Variants in SMARCA2 observed in about 807,000 individuals in gnomAD.
SMARCA2 encodes the protein SWI/SNF related BAF chromatin remodeling complex subunit ATPase 2.
Under a neutral mutation model 199.8 loss-of-function variants are expected in SMARCA2, and 61 were observed. That is an observed-to-expected ratio of 0.31 (90% confidence interval 0.25 to 0.38). The LOEUF (loss-of-function observed/expected upper bound fraction) is 0.38, where lower values mean the gene tolerates loss of function less well. Ranked by LOEUF, SMARCA2 falls within the 10% of genes least tolerant of loss-of-function variation. The pLI, the probability that SMARCA2 is intolerant of heterozygous loss-of-function variation, is 1.00. For synonymous variants in SMARCA2, 935 were observed against 732.0 expected (o/e 1.28, Z -4.48); for missense variants, 1,344 against 2,012.2 (o/e 0.67, Z 6.35).
chr9:2,148,516 G>C (rs1824880279), intron 27 of SMARCA2, among the ~76,000 whole-genome samples: 1 of 151,072 alleles, frequency 6.6e-6, no homozygotes. Context: ...TATACTTTAA[G>C]TTTTAGGGTA....
intron 27 of SMARCA2, among the ~76,000 whole-genome samples, chr9:2,141,918 C>T (rs1263177847): frequency 6.6e-6 from 1 of 152,140 alleles, no homozygotes; most frequent in African/African-American, 2.4e-5. Flanking sequence ...AACAGGTGGT[C>T]TAGCTGGCCC....
In SMARCA2 at chr9:2,040,160, G is replaced by A. The variant is rs574148219; in HGVS notation, c.790+260G>A. On this transcript the variant is annotated intron_variant, in intron 4 of 33. Coordinates refer to ENST00000349721, the MANE Select transcript of SMARCA2 (RefSeq NM_003070.5). ...AGGGAAAAAGCACCTGTGATTTTGC[G>A]TTCTCTTTGAAGCGGTTCAAGGTTT... The A allele has an allele frequency of 5.0e-5, 36 of 717,744 alleles. No homozygotes were observed. The South Asian group carries it at 5.4e-4, about 11-fold the overall frequency. The allele number at this position is 717,744 out of a possible 1,614,324, so 44.5% of individuals were successfully genotyped here.
rs1455551540 is a variant in SMARCA2, at chr9:2,181,564, C to G, written c.4254-7C>G. The stretch of plus-strand genomic sequence containing the variant: ...GCTTGTTTTTGTTTGTTTCACCCAT[C>G]CTACAGTTCAGGGCGACAGCTCAGT... On this transcript the variant is annotated splice_polypyrimidine_tract_variant and splice_region_variant and intron_variant, in intron 29 of 33. Coordinates refer to ENST00000349721, the MANE Select transcript of SMARCA2 (RefSeq NM_003070.5). 6.8e-7 allele frequency: 1 copy of G among 1,462,338 alleles called. No individual in the cohort carries two copies. The highest frequency in any genetic ancestry group is 1.7e-5 in the Admixed American group (1 of 59,690). 90.6% of individuals were successfully genotyped at this position (1,462,338 alleles called of 1,614,324 possible). A position where few individuals can be genotyped will look rare whatever the true frequency, so the allele number is the denominator to read the frequency against.
chr9:2,070,355 A>G (rs1465021947), intron 9 of SMARCA2, 63 bp from the exon 10 acceptor site: 2 of 1,344,004 alleles, frequency 1.5e-6, no homozygotes, highest in East Asian at 2.3e-5. Context: ...CCGGAGAGTT[A>G]CCAGGAAGTC....
At chr9:2,192,253 G>A (rs1827937296) in intron 33 of SMARCA2, 1 of 163,006 alleles carries the variant, frequency 6.1e-6, no homozygotes, top group Non-Finnish European at 1.3e-5. Context: ...CCTTTTCCTA[G>A]TTTGATTTTC....
intron 3 of SMARCA2, among the ~76,000 whole-genome samples, chr9:2,035,685 C>T (rs116749428): frequency 3.9e-5 from 6 of 152,026 alleles, no homozygotes; most frequent in South Asian, 2.1e-4. Flanking sequence ...AAAGAGTCAA[C>T]AGTTTAAAAT....
chr9:2,060,044 G>A (rs1820515204), intron 8 of SMARCA2, among the ~76,000 whole-genome samples: 1 of 139,018 alleles, frequency 7.2e-6, no homozygotes, highest in Non-Finnish European at 1.5e-5. Context: ...TTATTGCTCA[G>A]CAGTACCAGA....
In SMARCA2 at chr9:2,029,254, G is replaced by C. The variant is rs1429489205; in HGVS notation, c.225+7G>C. 1.2e-6 allele frequency: 2 copies of C among 1,606,450 alleles called. No individual in the cohort carries two copies. Among genetic ancestry groups the C allele is most frequent in the Non-Finnish European group, 1.7e-6 (2 of 1,175,700 alleles). ...CATGCATCAAATGCATAAGGTAAGA[G>C]TTTGTTCTCCCATTCAAACTCAACT... On this transcript the variant is annotated splice_region_variant and intron_variant, in intron 2 of 33. Transcript: ENST00000349721.
At chr9:2,175,457 C>A (rs755809504) in intron 29 of SMARCA2, among the ~76,000 whole-genome samples, 3 of 152,130 alleles carry the variant, frequency 2.0e-5, no homozygotes, top group Admixed American at 1.3e-4. Context: ...CAACATACAA[C>A]ATATTAAAAC....
chr9:2,051,161 C>A (rs1295230978), intron 5 of SMARCA2, among the ~76,000 whole-genome samples: 2 of 152,196 alleles, frequency 1.3e-5, no homozygotes, highest in Admixed American at 6.5e-5. Context: ...AAGATATAAT[C>A]TTCTGTGTTA....
chr9:2,184,744 C>G (rs960142279), intron 31 of SMARCA2, among the ~76,000 whole-genome samples: 4 of 152,020 alleles, frequency 2.6e-5, no homozygotes, highest in African/African-American at 9.7e-5. Context: ...ATTTGTTTTC[C>G]TTTCTAAAAA....
chr9:2,191,135 G>T, intron 32 of SMARCA2, 131 bp from the exon 33 acceptor site: 2 of 846,098 alleles, frequency 2.4e-6, no homozygotes, highest in Non-Finnish European at 3.9e-6. Flanking sequence ...CACAGAACAG[G>T]CATAAACCGG....
intron 14 of SMARCA2, among the ~76,000 whole-genome samples, chr9:2,078,038 C>G (rs904786767): frequency 6.6e-6 from 1 of 152,128 alleles, no homozygotes; most frequent in Non-Finnish European, 1.5e-5. Context: ...AATGGAAAAC[C>G]CAGCCACATT....
chr9:2,093,431 G>A (rs1020483612), intron 19 of SMARCA2, among the ~76,000 whole-genome samples: 3 of 152,168 alleles, frequency 2.0e-5, no homozygotes, highest in African/African-American at 7.2e-5. Flanking sequence ...TGTGCTGGGA[G>A]TACACTGTGT....
chr9:2,030,753 C>T (rs1410646485), intron 2 of SMARCA2, among the ~76,000 whole-genome samples: 2 of 152,056 alleles, frequency 1.3e-5, no homozygotes, highest in African/African-American at 2.4e-5. Context: ...TGAACCATTA[C>T]AGTAGACAAG....
At position 2,191,267 on chromosome 9, in the gene SMARCA2, A is replaced by T; in HGVS notation, c.4596A>T (p.Ala1532=). Residue 1532 remains alanine, a splice_region_variant and synonymous_variant, in exon 33 of 34, where the codon GCA becomes GCT. Transcript: ENST00000349721. ...CTATTTCATTTGCTTTGGTTTTAGCAAAATCAGTCAAGGTGAAAATTAAGC... is the reference window on the plus strand; with the variant it reads ...CTATTTCATTTGCTTTGGTTTTAGCTAAATCAGTCAAGGTGAAAATTAAGC... ...EEDEEESESE[A]KSVKVKIKLN... The T allele has an allele frequency of 6.2e-7, 1 of 1,614,014 alleles. No homozygotes were observed. Among genetic ancestry groups the T allele is most frequent in the Non-Finnish European group, 8.5e-7 (1 of 1,179,950 alleles).
Position 2,110,139 on chromosome 9 carries a change from C to A in SMARCA2, c.3293-115C>A, listed in dbSNP as rs868140811. The A allele has an allele frequency of 1.5e-6, 1 of 659,156 alleles. No homozygotes were observed. The allele number at this position is 659,156 out of a possible 1,614,324, so 40.8% of individuals were successfully genotyped here. A position where few individuals can be genotyped will look rare whatever the true frequency, so the allele number is the denominator to read the frequency against. Reference sequence around the variant, plus strand: ...GTACAAAGCCCTGGAAATTACCTCACCAGTGTTAGGAGGAGTCTGGGTATA... The same window carrying A: ...GTACAAAGCCCTGGAAATTACCTCAACAGTGTTAGGAGGAGTCTGGGTATA... On this transcript the variant is annotated intron_variant, in intron 23 of 33. Transcript: ENST00000349721. This position sits in a 1 kb window ranked among gnomAD's most constrained non-coding sequence, Gnocchi z 4.8.
At chr9:2,078,924 A>G (rs1821444348) in intron 14 of SMARCA2, among the ~76,000 whole-genome samples, 1 of 152,160 alleles carries the variant, frequency 6.6e-6, no homozygotes, top group Non-Finnish European at 1.5e-5. Flanking sequence ...CAGCCTCGGC[A>G]ACAGAGTGAG....
chr9:2,191,426 G>T lies in SMARCA2; in HGVS notation c.4737+18G>T. On this transcript the variant is annotated intron_variant, in intron 33 of 33. Coordinates refer to ENST00000349721, the MANE Select transcript of SMARCA2 (RefSeq NM_003070.5). ...ATGAACGTGTAAGTGTAGCCGACTG[G>T]GACTGAAGGCGGAGACGCCCTCTCC... 1 of 1,613,356 alleles carries T rather than the reference G, an allele frequency of 6.2e-7. No individual in the cohort carries two copies. The highest frequency in any genetic ancestry group is 8.5e-7 in the Non-Finnish European group (1 of 1,179,464).
Sources: allele counts gnomAD v4.1 joint callset (sites outside exome capture counted in the v4.1 genomes callset), GRCh38; gene constraint gnomAD v4.1.1; non-coding constraint Gnocchi (gnomAD v3.1); transcripts MANE v1.5; gene names NCBI Gene and HGNC (gene_info 2026-07-23, HGNC 2026-07-21).